The following ACSBG1 variants were observed in gnomAD, a reference collection of about 807,000 sequenced individuals.
ACSBG1 encodes the protein acyl-CoA synthetase bubblegum family member 1, also known as long-chain-fatty-acid--CoA ligase ACSBG1.
A neutral mutation model predicts 80.2 loss-of-function variants in ACSBG1; 39 were observed. That is an observed-to-expected ratio of 0.49 (90% CI 0.38 to 0.64). ACSBG1 has a LOEUF of 0.64. Among genes scored for constraint, ACSBG1 ranks in the 30% least tolerant of loss-of-function variants. ACSBG1 has a pLI of 0.00. For missense variants in ACSBG1, 828 were observed against 966.4 expected, an observed-to-expected ratio of 0.86 and a Z score of 1.90; for synonymous variants, 392 against 379.5, an observed-to-expected ratio of 1.03 and a Z score of -0.38.
chr15:78,182,671 C>A (rs376113084), intron 6 of ACSBG1, 34 bp downstream of exon 6: 2 of 1,613,816 alleles, frequency 1.2e-6, no homozygotes, highest in Admixed American at 1.7e-5. Flanking sequence ...GCCCAATAGG[C>A]CCCACCTGGC....
intron 2 of ACSBG1, among the ~76,000 whole-genome samples, chr15:78,202,545 GC>G (rs1265770472): frequency 6.6e-6 from 1 of 151,988 alleles, no homozygotes; most frequent in Non-Finnish European, 1.5e-5. Context: ...TTTCTTCCCT[GC>G]CTTTCCTCAC....
rs751855572 is a variant in ACSBG1, at chr15:78,178,837, G to A, written c.1485-6C>T. On this transcript the variant is annotated splice_region_variant and splice_polypyrimidine_tract_variant and intron_variant, in intron 10 of 13. Transcript: ENST00000258873. The surrounding 1 kb of genome is among the most constrained non-coding windows in gnomAD (Gnocchi z 4.3). ...CGGGCACCAACTTGCCTGAGCTGGC[G>A]AGGGAGGGGCCGGGAGACTGGTCAG... The A allele has an allele frequency of 1.3e-5, 21 of 1,604,950 alleles. 1 individual carries two copies. The highest frequency in any genetic ancestry group is 3.3e-4 in the Middle Eastern group (2 of 6,064).
chr15:78,231,119 AATTT>A (rs1310718140), intron 1 of ACSBG1, among the ~76,000 whole-genome samples: 1 of 151,848 alleles, frequency 6.6e-6, no homozygotes, highest in African/African-American at 2.4e-5. Flanking sequence ...ACATCTGGCT[AATTT>A]TTTTTTCTTT....
intron 1 of ACSBG1, among the ~76,000 whole-genome samples, chr15:78,232,350 G>T (rs538851842): frequency 3.3e-5 from 5 of 152,258 alleles, no homozygotes; most frequent in African/African-American, 1.2e-4. Context: ...TTCCCTACGG[G>T]GTCCCAAGAC....
At chr15:78,230,550 A>T (rs1160790165) in intron 1 of ACSBG1, among the ~76,000 whole-genome samples, 1 of 152,102 alleles carries the variant, frequency 6.6e-6, no homozygotes, top group Non-Finnish European at 1.5e-5. Flanking sequence ...AGCCCTTCTG[A>T]TATGGTCTGG....
At chr15:78,181,150 G>T (rs61092196) in intron 8 of ACSBG1, 104,865 of 591,240 alleles carry the variant, frequency 0.18, 13,441 homozygotes, top group East Asian at 0.57. Context: ...CAGGCAGCCA[G>T]TGCTGACCTC....
chr15:78,195,866 TGTCACCG>T (rs1440167687), intron 2 of ACSBG1, among the ~76,000 whole-genome samples: 3 of 152,144 alleles, frequency 2.0e-5, no homozygotes, highest in Non-Finnish European at 4.4e-5. Flanking sequence ...CCTATTCTCC[TGTCACCG>T]GTCCTTCCCT....
intron 8 of ACSBG1, among the ~76,000 whole-genome samples, chr15:78,181,489 CT>C (rs71145901): frequency 0.24 from 19,763 of 83,070 alleles, 762 homozygotes; most frequent in Middle Eastern, 0.32. Flanking sequence ...CATCAGGTTT[CT>C]TTTTTTTTTT....
chr15:78,186,318 GCGGAC>G (rs2075004213), intron 5 of ACSBG1, among the ~76,000 whole-genome samples: 2 of 152,304 alleles, frequency 1.3e-5, no homozygotes, highest in African/African-American at 4.8e-5. Context: ...TCTGCACCAA[GCGGAC>G]CTAATAGACA....
chr15:78,207,917 T>TCCCCCCCACCCCCCCCC, intron 2 of ACSBG1, 85 bp downstream of exon 2: 1 of 876,066 alleles, frequency 1.1e-6, no homozygotes, highest in Non-Finnish European at 1.8e-6. Context: ...TGTGTGGTGG[T>TCCCCCCCACCCCCCCCC]CCCCCACACC....
intron 1 of ACSBG1, among the ~76,000 whole-genome samples, chr15:78,210,994 T>C (rs2075261602): frequency 6.6e-6 from 1 of 152,230 alleles, no homozygotes; most frequent in African/African-American, 2.4e-5. Context: ...TAGCAATTCA[T>C]CTCACTCCTA....
intron 1 of ACSBG1, among the ~76,000 whole-genome samples, chr15:78,228,972 C>T (rs927714374): frequency 5.3e-5 from 8 of 152,040 alleles, no homozygotes; most frequent in Admixed American, 4.6e-4. Flanking sequence ...TAATTACCGA[C>T]ATTTTAAAAA....
chr15:78,227,169 A>G (rs1265488853), intron 1 of ACSBG1, among the ~76,000 whole-genome samples: 1 of 142,132 alleles, frequency 7.0e-6, no homozygotes, highest in East Asian at 2.2e-4. Context: ...CAGTGAGCCG[A>G]TATCATGCCA....
rs142884967 is a variant in ACSBG1, at chr15:78,191,612, C to T, written c.663+1894G>A. Among the ~76,000 whole-genome samples, 26 of 152,278 alleles carry T rather than the reference C, an allele frequency of 1.7e-4. No homozygotes were observed. The East Asian group carries it at 4.6e-3, about 27-fold the overall frequency. On this transcript the variant is annotated intron_variant, in intron 5 of 13. Coordinates refer to ENST00000258873, the MANE Select transcript of ACSBG1 (RefSeq NM_015162.5). ...AATTCCAGCCAATGAATTAGAAATTCAACATTTTGCTACACCTAATAAAAT... is the reference window on the plus strand; with the variant it reads ...AATTCCAGCCAATGAATTAGAAATTTAACATTTTGCTACACCTAATAAAAT...
intron 2 of ACSBG1, 85 bp downstream of exon 2, chr15:78,207,917 T>TCCCCCCCCCCACCCCCCCCCCCCCCCCAC: frequency 2.3e-6 from 2 of 876,064 alleles, no homozygotes; most frequent in African/African-American, 1.7e-5. Context: ...TGTGTGGTGG[T>TCCCCCCCCCCACCCCCCCCCCCCCCCCAC]CCCCCACACC....
At chr15:78,207,866 G>A (rs912224186) in intron 2 of ACSBG1, 136 bp downstream of exon 2, 10 of 699,254 alleles carry the variant, frequency 1.4e-5, no homozygotes, top group African/African-American at 8.8e-5. Flanking sequence ...CCCTGGGAGC[G>A]TGGAACCAGC....
Position 78,234,379 on chromosome 15 carries a change from C to A in ACSBG1, c.123G>T (p.Leu41Phe). 6.2e-7 allele frequency: 1 copy of A among 1,611,252 alleles called. No individual in the cohort carries two copies. Among genetic ancestry groups the A allele is most frequent in the Non-Finnish European group, 8.5e-7 (1 of 1,179,992 alleles). Reference sequence around the variant, plus strand: ...CCCAACCAATGACTTACCTGGTTTTCAATTTTTCTTGGGTGGTCCTCACAA... The same window carrying A: ...CCCAACCAATGACTTACCTGGTTTTAAATTTTTCTTGGGTGGTCCTCACAA... ...DMIVRTTQEK[L>F]KTSSLTDRQP... The change falls in exon 1 of 14, where the codon TTG becomes TTT. Residue 41 changes from leucine to phenylalanine, a missense_variant. Around this residue, in one of 3 missense-constraint regions of ACSBG1, gnomAD observed 356 missense variants for 363.5 expected, o/e 0.98. Transcript: ENST00000258873.
Position 78,180,831 on chromosome 15 carries a change from A to G in ACSBG1, c.1177T>C (p.Ser393Pro), listed in dbSNP as rs2141328455. ...AGCATCTTTCGCCGGATGAAGCCAG[A>G]CTGAGCCGCCACCTCCTGGATGCGC... is the stretch of plus-strand genomic sequence containing the variant. ...MERIQEVAAQ[S>P]GFIRRKMLLW... The change falls in exon 9 of 14, where the codon TCT becomes CCT. Residue 393 changes from serine (S) to proline (P), a missense_variant. Around this residue, in one of 3 missense-constraint regions of ACSBG1, gnomAD observed 271 missense variants for 375.9 expected, o/e 0.72. Coordinates refer to ENST00000258873, the MANE Select transcript of ACSBG1 (RefSeq NM_015162.5). The G allele has an allele frequency of 6.2e-7, 1 of 1,614,226 alleles. No individual in the cohort carries two copies. The highest frequency in any genetic ancestry group is 8.5e-7 in the Non-Finnish European group (1 of 1,180,036).
chr15:78,213,088 C>A (rs1377625623), intron 1 of ACSBG1, among the ~76,000 whole-genome samples: 1 of 152,200 alleles, frequency 6.6e-6, no homozygotes, highest in Admixed American at 6.5e-5. Flanking sequence ...AGAATGTTCT[C>A]CATGGAAGGT....
Sources: gnomAD v4.1 joint callset for allele counts (sites outside exome capture counted in the v4.1 genomes callset) on GRCh38, gnomAD v4.1.1 for gene constraint, gnomAD v4.1.1 regional missense constraint, Gnocchi (gnomAD v3.1) non-coding constraint, MANE v1.5 for transcripts, NCBI Gene and HGNC (gene_info 2026-07-23, HGNC 2026-07-21) for gene names.